The following APBB1 variants were observed in gnomAD, a reference collection of about 807,000 sequenced individuals.
APBB1 encodes the protein adaptor protein FE65a2.
Under a neutral mutation model 78.4 loss-of-function variants are expected in APBB1, and 22 were observed. That is an observed-to-expected ratio of 0.28 (90% CI 0.20 to 0.40). The LOEUF is 0.40. APBB1 is among the 10% of genes least tolerant of loss of function. APBB1 has a pLI of 1.00. For synonymous variants in APBB1, 369 were observed against 372.7 expected (o/e 0.99, Z 0.12); for missense variants, 749 against 932.4 (o/e 0.80, Z 2.56).
chr11:6,410,096 C>T (rs571006927), intron 2 of APBB1, among the ~76,000 whole-genome samples: 131 of 149,660 alleles, frequency 8.8e-4, no homozygotes, highest in African/African-American at 3.2e-3. Flanking sequence ...AAAAAAAAAA[C>T]GGGGCCGACT....
At chr11:6,402,514 T>G (rs1848576319) in intron 7 of APBB1, 62 bp downstream of exon 7, 1 of 1,540,678 alleles carries the variant, frequency 6.5e-7, no homozygotes, top group Non-Finnish European at 8.9e-7. Flanking sequence ...AGACCTCCCA[T>G]CTCTCATAAT....
intron 2 of APBB1, chr11:6,404,670 G>A (rs74359549): frequency 0.016 from 25,031 of 1,536,078 alleles, 252 homozygotes; most frequent in Non-Finnish European, 0.019. Context: ...CCTGTAACCC[G>A]CTCATGCGTC....
chr11:6,398,835 A>G (rs1467337062), intron 12 of APBB1, among the ~76,000 whole-genome samples: 1 of 152,216 alleles, frequency 6.6e-6, no homozygotes, highest in Middle Eastern at 3.2e-3. Context: ...AAGATTTTGG[A>G]CGTGAAAGTC....
rs908459842 is a variant in APBB1 at position 6,395,296 on chromosome 11, T to C, written c.*238A>G. On this transcript the variant is annotated 3_prime_UTR_variant, in exon 15 of 15. Coordinates refer to ENST00000609360, the MANE Select transcript of APBB1 (RefSeq NM_001164.5). This position sits in a 1 kb window ranked among gnomAD's most constrained non-coding sequence, Gnocchi z 5.2. ...CTGTTCCACCTGAAACACATGGGGA[T>C]GGAGAACCAGGGCTGGCCTTGCTTC... 2.7e-5 allele frequency: 11 copies of C among 410,742 alleles called. No homozygotes were observed. Among genetic ancestry groups the C allele is most frequent in the Admixed American group, 1.6e-4 (4 of 24,722 alleles). The allele number at this position is 410,742 out of a possible 1,614,324, so 25.4% of individuals were successfully genotyped here.
intron 1 of APBB1, among the ~76,000 whole-genome samples, chr11:6,414,896 T>C (rs1849082070): frequency 6.6e-6 from 1 of 152,066 alleles, no homozygotes; most frequent in South Asian, 2.1e-4. Flanking sequence ...GAGACCAACC[T>C]CCTAGGCACT....
At position 6,411,321 on chromosome 11, in the gene APBB1, C is replaced by G. The variant is rs1848960154; in HGVS notation, c.27G>C (p.Gln9His). MSVPSSLS[Q>H]SAINANSHGG... ...CGTGGCTGTTGGCATTAATGGCCGA[C>G]TGGCTCAGTGATGATGGAACAGACA... The change falls in exon 2 of 15, where the codon CAG (glutamine) becomes CAC (histidine). Residue 9 changes from glutamine to histidine, a missense_variant. Around this residue, in one of 3 missense-constraint regions of APBB1, gnomAD observed 635 missense variants for 765.0 expected, o/e 0.83. Transcript: ENST00000609360. This position sits in a 1 kb window ranked among gnomAD's most constrained non-coding sequence, Gnocchi z 5.2. The G allele has an allele frequency of 3.2e-6, 5 of 1,552,182 alleles. No individual in the cohort carries two copies. In the East Asian group the frequency reaches 1.1e-4, roughly 35 times the overall value.
intron 1 of APBB1, among the ~76,000 whole-genome samples, chr11:6,414,180 G>A (rs551837788): frequency 3.5e-4 from 53 of 152,190 alleles, no homozygotes; most frequent in Admixed American, 1.2e-3. Flanking sequence ...GAAGCGTGGC[G>A]GATTCTGAAA....
chr11:6,408,222 C>G (rs1379748484), intron 2 of APBB1, among the ~76,000 whole-genome samples: 1 of 152,100 alleles, frequency 6.6e-6, no homozygotes, highest in African/African-American at 2.4e-5. Context: ...TAAATATGAC[C>G]ACAGGAGAGA....
In APBB1 at chr11:6,396,165, G is replaced by C; in HGVS notation, c.1723C>G (p.Arg575Gly). Residue 575 changes from arginine (R) to glycine (G), a missense_variant, in exon 13 of 15, where the codon CGT (arginine) becomes GGT (glycine). Physicochemically the swap from Arg to Gly is moderately radical, Grantham distance 125. This residue lies in a region of APBB1 where 635 missense variants were observed against 765.0 expected (regional missense o/e 0.83). Transcript: ENST00000609360. ...ALESVLSSSS[R>G]EQWTPSHVSV... ...ACATGACTTGGGGTCCATTGTTCAC[G>C]GCTGCTGGAGGACAGGACTGACTCG... 6.4e-7 allele frequency: 1 copy of C among 1,551,906 alleles called. No individual in the cohort carries two copies.
chr11:6,405,194 C>T, intron 2 of APBB1: 1 of 1,115,122 alleles, frequency 9.0e-7, no homozygotes, highest in East Asian at 5.9e-5. Context: ...TAAGGAATAC[C>T]CCAGCTGCCT....
intron 2 of APBB1, among the ~76,000 whole-genome samples, chr11:6,406,296 T>TGAA (rs1174912619): frequency 2.0e-5 from 3 of 152,226 alleles, no homozygotes; most frequent in African/African-American, 7.2e-5. Context: ...GCCTTAGTGG[T>TGAA]GAAGCCAGGT....
In APBB1 at chr11:6,410,612, A is replaced by T; in HGVS notation, c.721+15T>A. The T allele has an allele frequency of 1.3e-6, 2 of 1,510,710 alleles. No individual in the cohort carries two copies. Among genetic ancestry groups the T allele is most frequent in the Non-Finnish European group, 1.8e-6 (2 of 1,129,958 alleles). The allele number at this position is 1,510,710 out of a possible 1,614,324, so 93.6% of individuals were successfully genotyped here. A position where few individuals can be genotyped will look rare whatever the true frequency, so the allele number is the denominator to read the frequency against. On this transcript the variant is annotated intron_variant, in intron 2 of 14. Coordinates refer to ENST00000609360, the MANE Select transcript of APBB1 (RefSeq NM_001164.5). Reference sequence around the variant, plus strand: ...CACACCCTCCCACATGCCCATGTCAAGCTCCACAAGGTACCTGTGTCCTCT... The same window carrying T: ...CACACCCTCCCACATGCCCATGTCATGCTCCACAAGGTACCTGTGTCCTCT...
At chr11:6,410,541 A>C in intron 2 of APBB1, 86 bp downstream of exon 2, 1 of 1,254,020 alleles carries the variant, frequency 8.0e-7, no homozygotes, top group South Asian at 1.8e-5. Flanking sequence ...CTCAGCTCAC[A>C]TCAGGCTGGC....
intron 12 of APBB1, among the ~76,000 whole-genome samples, chr11:6,398,794 C>T (rs2036240903): frequency 6.6e-6 from 1 of 152,182 alleles, no homozygotes; most frequent in Non-Finnish European, 1.5e-5. Context: ...CAATCCCCAC[C>T]TTTTCTAAGA....
intron 2 of APBB1, chr11:6,405,495 A>G (rs1282128835): frequency 3.0e-6 from 3 of 986,654 alleles, no homozygotes; most frequent in Non-Finnish European, 3.6e-6. Context: ...GAAACCAGGA[A>G]TCCTGACTGG....
At chr11:6,417,835 G>A (rs759977711) in intron 1 of APBB1, among the ~76,000 whole-genome samples, 5 of 152,212 alleles carry the variant, frequency 3.3e-5, no homozygotes, top group Non-Finnish European at 5.9e-5. Context: ...TTTGAGATTC[G>A]AAGGAAGAAC....
chr11:6,412,920 C>G (rs1024704299), intron 1 of APBB1, among the ~76,000 whole-genome samples: 1 of 152,048 alleles, frequency 6.6e-6, no homozygotes, highest in Non-Finnish European at 1.5e-5. Context: ...CTCCAGACCC[C>G]TCCCTCTGCC....
intron 7 of APBB1, 56 bp from the exon 8 acceptor site, chr11:6,402,265 T>A: frequency 6.3e-7 from 1 of 1,599,416 alleles, no homozygotes; most frequent in Non-Finnish European, 8.5e-7. Context: ...GTGGCTGATC[T>A]CTGACCCCTG....
At chr11:6,414,091 C>T (rs1443863574) in intron 1 of APBB1, among the ~76,000 whole-genome samples, 1 of 152,206 alleles carries the variant, frequency 6.6e-6, no homozygotes, top group African/African-American at 2.4e-5. Context: ...CACCCAAGAG[C>T]CCTCTTAAGC....
Sources: allele counts gnomAD v4.1 joint callset (sites outside exome capture counted in the v4.1 genomes callset), GRCh38; gene constraint gnomAD v4.1.1; regional missense constraint gnomAD v4.1.1; non-coding constraint Gnocchi (gnomAD v3.1); transcripts MANE v1.5; gene names NCBI Gene and HGNC (gene_info 2026-07-23, HGNC 2026-07-21).